The following KLHL32 variants were observed in gnomAD, a reference collection of about 807,000 sequenced individuals.
KLHL32 encodes the protein kelch-like protein 32.
KLHL32 carries 35 observed loss-of-function variants against 64.8 expected under a neutral mutation model. The ratio of observed to expected loss-of-function variants is 0.54; its 90% CI spans 0.41 to 0.72. The LOEUF is 0.72. Ranked by LOEUF, KLHL32 falls within the 30% of genes least tolerant of loss-of-function variation. The probability of loss-of-function intolerance (pLI) is 0.00; values close to 1 mark genes in which losing one functional copy is unlikely to be tolerated. For missense variants in KLHL32, 589 were observed against 768.5 expected, an observed-to-expected ratio of 0.77 and a Z score of 2.76; for synonymous variants, 259 against 281.0, an observed-to-expected ratio of 0.92 and a Z score of 0.78.
intron 3 of KLHL32, among the ~76,000 whole-genome samples, chr6:97,013,250 T>C (rs2128095058): frequency 6.6e-6 from 1 of 152,330 alleles, no homozygotes; most frequent in Non-Finnish European, 1.5e-5. Flanking sequence ...TTCAGCAGTT[T>C]GGTATCAGAA....
chr6:97,107,067 C>A (rs927011624), intron 6 of KLHL32, among the ~76,000 whole-genome samples: 1 of 152,088 alleles, frequency 6.6e-6, no homozygotes, highest in South Asian at 2.1e-4. Flanking sequence ...CGAAGGCGGG[C>A]GGATCACGAG....
intron 5 of KLHL32, among the ~76,000 whole-genome samples, chr6:97,071,393 T>G (rs1296171999): frequency 1.3e-5 from 2 of 152,178 alleles, no homozygotes; most frequent in Non-Finnish European, 2.9e-5. Flanking sequence ...CTACTCATTT[T>G]CAATACCTTT....
chr6:97,077,482 G>A lies in KLHL32; in HGVS notation c.412-7644G>A, dbSNP rs1435883756. On this transcript the variant is annotated intron_variant, in intron 5 of 10. Coordinates refer to ENST00000369261, the MANE Select transcript of KLHL32 (RefSeq NM_052904.4). Reference sequence around the variant, plus strand: ...AAGTAAGCTTCTTTTTCAACATTCTGGGGAAAGGGGGAAAAATCTAACATA... The same window carrying A: ...AAGTAAGCTTCTTTTTCAACATTCTAGGGAAAGGGGGAAAAATCTAACATA... Among the ~76,000 whole-genome samples the A allele has an allele frequency of 6.6e-5, 10 of 151,722 alleles. No homozygotes were observed. In the East Asian group the frequency reaches 1.7e-3, roughly 26 times the overall value.
chr6:97,104,362 T>G (rs1488252589), intron 6 of KLHL32, among the ~76,000 whole-genome samples: 1 of 152,202 alleles, frequency 6.6e-6, no homozygotes, highest in Non-Finnish European at 1.5e-5. Context: ...CTTTTCGCTT[T>G]TGGAACTCTG....
intron 3 of KLHL32, among the ~76,000 whole-genome samples, chr6:97,010,946 C>T (rs771398838): frequency 5.9e-5 from 9 of 152,088 alleles, no homozygotes; most frequent in Non-Finnish European, 1.0e-4. Context: ...AAAGCAAATA[C>T]CAGTGGATGT....
chr6:97,129,323 C>T (rs1430407075), intron 8 of KLHL32, among the ~76,000 whole-genome samples: 1 of 151,924 alleles, frequency 6.6e-6, no homozygotes, highest in Non-Finnish European at 1.5e-5. Flanking sequence ...CCAAATTTTT[C>T]TTGGCAAAAA....
At chr6:97,082,084 T>C (rs1792627915) in intron 5 of KLHL32, among the ~76,000 whole-genome samples, 2 of 152,058 alleles carry the variant, frequency 1.3e-5, no homozygotes, top group African/African-American at 2.4e-5. Context: ...AAAGAGAGGA[T>C]TGAGAGTTTG....
At chr6:97,008,720 A>G (rs1158692909) in intron 3 of KLHL32, among the ~76,000 whole-genome samples, 1 of 152,084 alleles carries the variant, frequency 6.6e-6, no homozygotes, top group African/African-American at 2.4e-5. Flanking sequence ...GAGCCCAGGA[A>G]TGAGTCCCTT....
At chr6:97,025,882 C>T (rs1245191624) in intron 3 of KLHL32, among the ~76,000 whole-genome samples, 1 of 152,182 alleles carries the variant, frequency 6.6e-6, no homozygotes, top group African/African-American at 2.4e-5. Context: ...GACTCTGACA[C>T]AGGGCCTGCC....
intron 4 of KLHL32, among the ~76,000 whole-genome samples, chr6:97,043,979 A>AT (rs939095366): frequency 1.1e-3 from 169 of 147,562 alleles, no homozygotes; most frequent in South Asian, 6.4e-3. Flanking sequence ...TCTCAGTTGT[A>AT]TTTTTTTTTT....
intron 3 of KLHL32, among the ~76,000 whole-genome samples, chr6:97,029,284 A>T (rs1374073853): frequency 1.3e-5 from 2 of 152,230 alleles, no homozygotes; most frequent in African/African-American, 4.8e-5. Context: ...TTAGGAAGCA[A>T]CTGTGCCAAG....
At chr6:97,045,789 A>G (rs554583789) in intron 4 of KLHL32, among the ~76,000 whole-genome samples, 3 of 152,324 alleles carry the variant, frequency 2.0e-5, no homozygotes, top group African/African-American at 7.2e-5. Flanking sequence ...TGTGAACTGA[A>G]GTGAAGATAG....
At chr6:96,951,402 A>T (rs1205110631) in intron 1 of KLHL32, among the ~76,000 whole-genome samples, 1 of 152,140 alleles carries the variant, frequency 6.6e-6, no homozygotes, top group African/African-American at 2.4e-5. Context: ...TGCGACTAAT[A>T]CTCAGAGTCA....
chr6:96,904,355 AAAAAG>A, the KLHL32 span, among the ~76,000 whole-genome samples: 2 of 150,600 alleles, frequency 1.3e-5, no homozygotes, highest in Non-Finnish European at 3.0e-5. Flanking sequence ...AAAAAAAAAA[AAAAAG>A]AAAAGAAAAA....
chr6:96,981,007 C>T lies in KLHL32; in HGVS notation c.204+4830C>T, dbSNP rs140704171. ...AGAAGTGCAGAGCAAAGTGGTGGGG[C>T]GGGGGGGCAGGCGGGGGAAAAGCCC... On this transcript the variant is annotated intron_variant, in intron 3 of 10. Transcript: ENST00000369261. 7.9e-3 allele frequency among the ~76,000 whole-genome samples: 700 copies of T among 89,160 alleles called. 5 individuals are homozygous for T. The highest frequency in any genetic ancestry group is 0.023 in the African/African-American group (543 of 23,184). The allele number at this position is 89,160 out of a possible 152,430, so 58.5% of individuals were successfully genotyped here.
At chr6:97,042,783 A>G (rs1472321848) in intron 4 of KLHL32, among the ~76,000 whole-genome samples, 2 of 152,136 alleles carry the variant, frequency 1.3e-5, no homozygotes, top group African/African-American at 2.4e-5. Context: ...AACATCTCCC[A>G]TTAGTCCATC....
intron 3 of KLHL32, among the ~76,000 whole-genome samples, chr6:97,032,034 T>C (rs1783632666): frequency 6.6e-6 from 1 of 152,240 alleles, no homozygotes; most frequent in South Asian, 2.1e-4. Context: ...GTTGGTATTA[T>C]TCCCATTTTA....
intron 3 of KLHL32, among the ~76,000 whole-genome samples, chr6:96,996,164 T>C (rs1168522128): frequency 6.6e-6 from 1 of 152,224 alleles, no homozygotes; most frequent in Admixed American, 6.5e-5. Flanking sequence ...ACATTTGCTA[T>C]CTCCAGCTTA....
intron 5 of KLHL32, among the ~76,000 whole-genome samples, chr6:97,075,180 G>T (rs1032104461): frequency 6.6e-6 from 1 of 152,080 alleles, no homozygotes. Flanking sequence ...TATTTAAATA[G>T]GCCTTGCAAG....
Sources: gnomAD v4.1 joint callset for allele counts (sites outside exome capture counted in the v4.1 genomes callset) on GRCh38, gnomAD v4.1.1 for gene constraint, MANE v1.5 for transcripts, NCBI Gene and HGNC (gene_info 2026-07-23, HGNC 2026-07-21) for gene names.